The following TMEM108 variants were observed in gnomAD, a reference collection of about 807,000 sequenced individuals.
TMEM108 encodes the protein transmembrane protein 108, also known as cancer/testis antigen 124.
Under a neutral mutation model 35.1 loss-of-function variants are expected in TMEM108, and 12 were observed. The observed-to-expected ratio is 0.34, with a 90% CI of 0.22 to 0.55. The LOEUF is 0.55. Ranked by LOEUF, TMEM108 falls within the 20% of genes least tolerant of loss-of-function variation. The pLI, the probability that TMEM108 is intolerant of heterozygous loss-of-function variation, is 0.89. For synonymous variants in TMEM108, 287 were observed against 308.6 expected (o/e 0.93, Z 0.73); for missense variants, 680 against 753.3 (o/e 0.90, Z 1.14).
intron 2 of TMEM108, among the ~76,000 whole-genome samples, chr3:133,185,185 C>T (rs1055846848): frequency 1.3e-5 from 2 of 152,058 alleles, no homozygotes; most frequent in Admixed American, 6.6e-5. Context: ...TCTTTATTAT[C>T]GTATTTGTTA....
chr3:133,092,230 C>T, intron 2 of TMEM108, among the ~76,000 whole-genome samples: 1 of 152,172 alleles, frequency 6.6e-6, no homozygotes, highest in East Asian at 1.9e-4. Context: ...CAGATACAGC[C>T]TGACAAGGAA....
chr3:133,253,245 A>G (rs1384119953), intron 3 of TMEM108: 1 of 152,160 alleles, frequency 6.6e-6, no homozygotes, highest in African/African-American at 2.4e-5. Flanking sequence ...TGGCAGAAAC[A>G]TTTGTCTGAG....
At chr3:133,183,154 A>G (rs920844485) in intron 2 of TMEM108, among the ~76,000 whole-genome samples, 3 of 152,170 alleles carry the variant, frequency 2.0e-5, no homozygotes, top group Non-Finnish European at 4.4e-5. Flanking sequence ...CAGGTTTTAG[A>G]GCATTTTGGA....
At chr3:133,176,388 C>T (rs920845543) in intron 2 of TMEM108, among the ~76,000 whole-genome samples, 2 of 152,196 alleles carry the variant, frequency 1.3e-5, no homozygotes, top group African/African-American at 2.4e-5. Flanking sequence ...AGCACCACAT[C>T]GCTCTTATTC....
At chr3:133,348,489 A>G (rs115814276) in intron 3 of TMEM108, among the ~76,000 whole-genome samples, 23 of 152,300 alleles carry the variant, frequency 1.5e-4, no homozygotes, top group African/African-American at 3.4e-4. Context: ...ACTGGGAGAT[A>G]GAGTGAAGCG....
At chr3:133,176,233 A>G (rs973656667) in intron 2 of TMEM108, among the ~76,000 whole-genome samples, 5 of 152,198 alleles carry the variant, frequency 3.3e-5, no homozygotes, top group Non-Finnish European at 7.3e-5. Context: ...GGAGACTTTA[A>G]CACCCCACTG....
chr3:133,395,624 T>C (rs1010005248), intron 5 of TMEM108, among the ~76,000 whole-genome samples: 7 of 151,992 alleles, frequency 4.6e-5, no homozygotes, highest in Non-Finnish European at 1.5e-5. Context: ...TTTTGAAAGC[T>C]GCTATAAAAA....
At chr3:133,239,353 T>C (rs1162350609) in intron 3 of TMEM108, among the ~76,000 whole-genome samples, 4 of 152,186 alleles carry the variant, frequency 2.6e-5, no homozygotes, top group Non-Finnish European at 5.9e-5. Flanking sequence ...TAAAATTCAG[T>C]ATTTTAGACT....
At chr3:133,223,187 T>C (rs977768044) in intron 2 of TMEM108, among the ~76,000 whole-genome samples, 9 of 152,244 alleles carry the variant, frequency 5.9e-5, no homozygotes, top group Admixed American at 3.3e-4. Flanking sequence ...GTCTGTGCGT[T>C]TGAAGAAATA....
At chr3:133,308,951 T>C (rs2071084915) in intron 3 of TMEM108, among the ~76,000 whole-genome samples, 2 of 152,338 alleles carry the variant, frequency 1.3e-5, no homozygotes, top group South Asian at 2.1e-4. Context: ...AGCTCCTCTT[T>C]GTACCTCTGG....
At chr3:133,227,605 A>G (rs1254981094) in intron 2 of TMEM108, among the ~76,000 whole-genome samples, 3 of 151,642 alleles carry the variant, frequency 2.0e-5, no homozygotes, top group African/African-American at 7.3e-5. Context: ...CCTTAAAAAC[A>G]TTATGCTGAG....
chr3:133,170,591 A>AT (rs1346925475), intron 2 of TMEM108, among the ~76,000 whole-genome samples: 2 of 152,236 alleles, frequency 1.3e-5, no homozygotes, highest in East Asian at 3.8e-4. Context: ...TCCAAAAAAA[A>AT]GCATTTAGGT....
At chr3:133,189,301 G>A (rs949340661) in intron 2 of TMEM108, among the ~76,000 whole-genome samples, 1 of 152,160 alleles carries the variant, frequency 6.6e-6, no homozygotes, top group African/African-American at 2.4e-5. Context: ...CCTTTACATA[G>A]AGAGGAGGAC....
chr3:133,212,675 T>G (rs1015985919), intron 2 of TMEM108, among the ~76,000 whole-genome samples: 1 of 151,990 alleles, frequency 6.6e-6, no homozygotes, highest in Non-Finnish European at 1.5e-5. Flanking sequence ...AAGACCAGCT[T>G]GGGCAACATG....
chr3:133,296,860 T>C (rs2107699805), intron 3 of TMEM108, among the ~76,000 whole-genome samples: 1 of 152,262 alleles, frequency 6.6e-6, no homozygotes, highest in South Asian at 2.1e-4. Context: ...CTGCAGACAA[T>C]TTTCTCATCA....
At chr3:133,115,604 AGC>A (rs1944278761) in intron 2 of TMEM108, among the ~76,000 whole-genome samples, 1 of 152,260 alleles carries the variant, frequency 6.6e-6, no homozygotes, top group Non-Finnish European at 1.5e-5. Context: ...CACTTGAGTT[AGC>A]CATGCCTCTC....
At chr3:133,309,867 A>AT (rs2071100446) in intron 3 of TMEM108, among the ~76,000 whole-genome samples, 1 of 151,330 alleles carries the variant, frequency 6.6e-6, no homozygotes, top group African/African-American at 2.4e-5. Context: ...CGCCCGGCTA[A>AT]TTTTTTGTAT....
At chr3:133,097,838 C>T (rs1223971150) in intron 2 of TMEM108, among the ~76,000 whole-genome samples, 3 of 152,216 alleles carry the variant, frequency 2.0e-5, no homozygotes, top group Non-Finnish European at 4.4e-5. Context: ...ACTCCTCCAT[C>T]ACTTTACATG....
At chr3:133,275,489 G>A (rs899554759) in intron 3 of TMEM108, among the ~76,000 whole-genome samples, 4 of 152,138 alleles carry the variant, frequency 2.6e-5, no homozygotes, top group Non-Finnish European at 5.9e-5. Context: ...ACATTTCAAA[G>A]GTTCAGTTTG....
Sources: gnomAD v4.1 joint callset for allele counts (sites outside exome capture counted in the v4.1 genomes callset) on GRCh38, gnomAD v4.1.1 for gene constraint, MANE v1.5 for transcripts, NCBI Gene and HGNC (gene_info 2026-07-23, HGNC 2026-07-21) for gene names.